Variants in TNRC6A observed in about 807,000 individuals in gnomAD.
TNRC6A encodes trinucleotide repeat-containing gene 6A protein.
TNRC6A carries 44 observed loss-of-function variants against 221.2 expected under a neutral mutation model. The ratio of observed to expected loss-of-function variants is 0.20; its 90% CI spans 0.16 to 0.26. The LOEUF (loss-of-function observed/expected upper bound fraction) is 0.26, where lower values mean the gene tolerates loss of function less well. Among genes scored for constraint, TNRC6A ranks in the 10% least tolerant of loss-of-function variants. The pLI is 1.00. For missense variants in TNRC6A, 2,199 were observed against 2,404.4 expected, an observed-to-expected ratio of 0.91 and a Z score of 1.79; for synonymous variants, 847 against 838.5, an observed-to-expected ratio of 1.01 and a Z score of -0.18.
At chr16:24,771,571 G>GTTTTATGTT in intron 4 of TNRC6A, among the ~76,000 whole-genome samples, 1 of 114,146 alleles carries the variant, frequency 8.8e-6, no homozygotes, top group East Asian at 2.4e-4. Context: ...TTTATGTTAT[G>GTTTTATGTT]TTATGTTATG....
At chr16:24,688,416 C>T (rs374762475) in intron 2 of TNRC6A, among the ~76,000 whole-genome samples, 2 of 152,190 alleles carry the variant, frequency 1.3e-5, no homozygotes, top group East Asian at 3.9e-4. Flanking sequence ...CTCCTCTCCA[C>T]CCTTCTGGAG....
intron 4 of TNRC6A, among the ~76,000 whole-genome samples, chr16:24,764,312 A>G (rs181239156): frequency 2.6e-4 from 40 of 151,522 alleles, no homozygotes; most frequent in African/African-American, 9.7e-4. Context: ...TATTTGCCAC[A>G]ATTTCTTCTT....
At chr16:24,633,393 T>C (rs1901451603) in intron 1 of TNRC6A, among the ~76,000 whole-genome samples, 1 of 152,148 alleles carries the variant, frequency 6.6e-6, no homozygotes, top group Non-Finnish European at 1.5e-5. Context: ...TTTATTTTTT[T>C]TTCTTTTTCT....
At chr16:24,655,414 C>G (rs1204709012) in intron 2 of TNRC6A, among the ~76,000 whole-genome samples, 2 of 152,172 alleles carry the variant, frequency 1.3e-5, no homozygotes, top group African/African-American at 4.8e-5. Flanking sequence ...CCTGGCCAAG[C>G]ATGGTGGCTC....
At chr16:24,784,463 C>T (rs1008429191) in intron 5 of TNRC6A, among the ~76,000 whole-genome samples, 1 of 152,090 alleles carries the variant, frequency 6.6e-6, no homozygotes, top group Non-Finnish European at 1.5e-5. Flanking sequence ...AGCTGGGACC[C>T]CAGGTATATG....
upstream of TNRC6A, among the ~76,000 whole-genome samples, chr16:24,724,848 G>A (rs570536338): frequency 7.2e-5 from 11 of 152,178 alleles, no homozygotes; most frequent in Non-Finnish European, 1.2e-4. Flanking sequence ...TATTATGCAT[G>A]AGCCTTGCCT....
At chr16:24,719,212 A>T (rs927286331) in intron 2 of TNRC6A, among the ~76,000 whole-genome samples, 1 of 152,058 alleles carries the variant, frequency 6.6e-6, no homozygotes, top group Non-Finnish European at 1.5e-5. Context: ...GCTTACAAAA[A>T]AATCAGGAGT....
chr16:24,719,840 CA>C (rs59027857), intron 2 of TNRC6A, among the ~76,000 whole-genome samples: 14,707 of 102,890 alleles, frequency 0.14, 1,451 homozygotes, highest in East Asian at 0.41. Flanking sequence ...GACCTTGTCT[CA>C]AAAAAAAAAA....
Position 24,777,092 on chromosome 16 carries a change from A to C in TNRC6A, c.323A>C (p.Gln108Pro), listed in dbSNP as rs974004477. The C allele has an allele frequency of 6.5e-7, 1 of 1,548,094 alleles. No individual in the cohort carries two copies. The highest frequency in any genetic ancestry group is 8.9e-7 in the Non-Finnish European group (1 of 1,122,686). The change falls in exon 5 of 25, where the codon CAG becomes CCG. Residue 108 changes from glutamine (Q) to proline (P), a missense_variant. Gln to Pro is a moderately conservative substitution (Grantham distance 76). This residue lies in a region of TNRC6A where 1,405 missense variants were observed against 1,400.2 expected (regional missense o/e 1.00). Coordinates refer to ENST00000395799, the MANE Select transcript of TNRC6A (RefSeq NM_014494.4). ...CAACAGCAGCAGCCGCAGCAGCAGC[A>C]GCCACAGCAGCAGCCACAGCCGCAG... The part of the protein sequence containing the change: ...QQQQQQPQQQ[Q>P]PQQQPQPQPQ...
intron 4 of TNRC6A, among the ~76,000 whole-genome samples, chr16:24,771,561 T>TATGTTTTATGTTATGTTATGTTGTGATG (rs1555502085): frequency 1.3e-4 from 13 of 99,250 alleles, no homozygotes; most frequent in East Asian, 5.4e-4. Flanking sequence ...TATGTTATGT[T>TATGTTTTATGTTATGTTATGTTGTGATG]TTATGTTATG....
At position 24,677,853 on chromosome 16, in the gene TNRC6A, C is replaced by T. The variant is rs1000257869; in HGVS notation, n.402+36844C>T. ...TTGAACTGTTTGTTTCCTCTGTTCCCTCCTTTCATATCCATTGCCCGCGTG... is the reference window on the plus strand; with the variant it reads ...TTGAACTGTTTGTTTCCTCTGTTCCTTCCTTTCATATCCATTGCCCGCGTG... On this transcript the variant is annotated intron_variant and non_coding_transcript_variant, in intron 2 of 2. Transcript: ENST00000566108. Among the ~76,000 whole-genome samples, 6 of 152,088 alleles carry T rather than the reference C, an allele frequency of 3.9e-5. No homozygotes were observed. The East Asian group carries it at 7.7e-4, about 20-fold the overall frequency.
intron 22 of TNRC6A, 89 bp from the exon 23 acceptor site, chr16:24,821,988 A>C (rs748603670): frequency 8.1e-7 from 1 of 1,228,914 alleles, no homozygotes; most frequent in East Asian, 2.3e-5. Flanking sequence ...GAAGTGAAGG[A>C]AGTCAAGAGG....
intron 2 of TNRC6A, among the ~76,000 whole-genome samples, chr16:24,675,698 CTCTCTATATATA>C (rs1330091505): frequency 1.2e-3 from 78 of 66,536 alleles, no homozygotes; most frequent in Non-Finnish European, 1.4e-3. Context: ...CTCTCTCTCT[CTCTCTATATATA>C]TATATATATA....
At chr16:24,636,601 T>A (rs1286398729) in intron 1 of TNRC6A, among the ~76,000 whole-genome samples, 1 of 152,162 alleles carries the variant, frequency 6.6e-6, no homozygotes, top group Admixed American at 6.5e-5. Context: ...ATTCCTGGCC[T>A]CAAGTGATCT....
intron 2 of TNRC6A, among the ~76,000 whole-genome samples, chr16:24,738,758 A>G (rs2056827527): frequency 1.3e-5 from 2 of 152,240 alleles, no homozygotes; most frequent in Admixed American, 1.3e-4. Context: ...ATTCATGTAC[A>G]AATGTTTGTG....
chr16:24,621,075 C>T (rs1387759935), intron 1 of TNRC6A, among the ~76,000 whole-genome samples: 2 of 115,404 alleles, frequency 1.7e-5, no homozygotes, highest in South Asian at 5.7e-4. Context: ...CAGAGCAAGA[C>T]GCCGTCTCAA....
At chr16:24,652,452 C>T (rs1902725227) in intron 2 of TNRC6A, among the ~76,000 whole-genome samples, 1 of 152,164 alleles carries the variant, frequency 6.6e-6, no homozygotes, top group Non-Finnish European at 1.5e-5. Flanking sequence ...AGGCTTTTCT[C>T]CACCAGTGTT....
chr16:24,664,537 T>A (rs923450607), intron 2 of TNRC6A, among the ~76,000 whole-genome samples: 1 of 142,432 alleles, frequency 7.0e-6, no homozygotes, highest in Admixed American at 7.3e-5. Flanking sequence ...ATATATATAT[T>A]TTTAAAATAT....
intron 14 of TNRC6A, 185 bp from the exon 15 acceptor site, chr16:24,805,420 A>T (rs2058409929): frequency 2.1e-6 from 2 of 933,522 alleles, no homozygotes; most frequent in African/African-American, 1.7e-5. Flanking sequence ...CACCTCTGTC[A>T]TCTTTTACTT....
Sources: allele counts gnomAD v4.1 joint callset (sites outside exome capture counted in the v4.1 genomes callset), GRCh38; gene constraint gnomAD v4.1.1; regional missense constraint gnomAD v4.1.1; transcripts MANE v1.5; gene names NCBI Gene and HGNC (gene_info 2026-07-23, HGNC 2026-07-21).